PRDM5: variants seen among roughly 807,000 people sequenced by gnomAD.
The protein encoded by PRDM5 is PR domain zinc finger protein 5.
In PRDM5, 56 loss-of-function variants were observed where a neutral mutation model predicts 81.2. The observed-to-expected ratio is 0.69, with a 90% CI of 0.56 to 0.86. The LOEUF (loss-of-function observed/expected upper bound fraction) is 0.86. PRDM5 is among the 40% of genes least tolerant of loss of function. The probability of loss-of-function intolerance (pLI) is 0.00; values close to 1 mark genes in which losing one functional copy is unlikely to be tolerated. For missense variants in PRDM5, 697 were observed against 770.1 expected (o/e 0.91, Z 1.12); for synonymous variants, 267 against 256.4 (o/e 1.04, Z -0.39).
At chr4:120,805,450 C>A (rs1180355510) in intron 8 of PRDM5, among the ~76,000 whole-genome samples, 1 of 152,118 alleles carries the variant, frequency 6.6e-6, no homozygotes, top group Non-Finnish European at 1.5e-5. Flanking sequence ...CAAAAATCCT[C>A]GATAAAATAC....
intron 3 of PRDM5, among the ~76,000 whole-genome samples, chr4:120,840,358 C>A (rs1208820179): frequency 6.6e-6 from 1 of 152,138 alleles, no homozygotes; most frequent in Non-Finnish European, 1.5e-5. Context: ...GGATCACGGG[C>A]CCCAGGCCCA....
At chr4:120,776,711 G>A (rs995947607) in intron 13 of PRDM5, among the ~76,000 whole-genome samples, 1 of 152,064 alleles carries the variant, frequency 6.6e-6, no homozygotes, top group Non-Finnish European at 1.5e-5. Flanking sequence ...AGAAAAGAAG[G>A]GGATCTTTAG....
At chr4:120,863,907 G>A (rs1760916580) in intron 2 of PRDM5, among the ~76,000 whole-genome samples, 1 of 152,152 alleles carries the variant, frequency 6.6e-6, no homozygotes, top group African/African-American at 2.4e-5. Flanking sequence ...GTTAGTCAAG[G>A]ACAATAGGAC....
At chr4:120,853,597 C>A (rs1759538824) in intron 2 of PRDM5, 57 bp from the exon 3 acceptor site, 2 of 1,608,704 alleles carry the variant, frequency 1.2e-6, no homozygotes, top group East Asian at 2.2e-5. Context: ...AGCCTTTAAA[C>A]ACATCAAGGT....
chr4:120,769,826 A>C (rs181689424), intron 13 of PRDM5, among the ~76,000 whole-genome samples: 3 of 152,288 alleles, frequency 2.0e-5, no homozygotes, highest in Admixed American at 6.5e-5. Context: ...AAACAAAAAC[A>C]AAACAACAAA....
In PRDM5 at chr4:120,837,901, G is replaced by A. The variant is rs79231882; in HGVS notation, c.300+15517C>T. On this transcript the variant is annotated intron_variant, in intron 3 of 15. Coordinates refer to ENST00000264808, the MANE Select transcript of PRDM5 (RefSeq NM_018699.4). The stretch of plus-strand genomic sequence containing the variant: ...ATCTCAAAGGACTTAATTAACCACA[G>A]GAAAAGGAACCAGAAAATGACTCTG... 1.9e-3 allele frequency: 294 copies of A among 152,190 alleles called. 1 individual carries two copies. The highest frequency in any genetic ancestry group is 6.6e-3 in the African/African-American group (273 of 41,506). 9.4% of individuals were successfully genotyped at this position (152,190 alleles called of 1,614,324 possible). A position where few individuals can be genotyped will look rare whatever the true frequency, so the allele number is the denominator to read the frequency against.
chr4:120,798,440 G>A lies in PRDM5; in HGVS notation c.1031-16C>T. On this transcript the variant is annotated splice_polypyrimidine_tract_variant and intron_variant, in intron 9 of 15. Transcript: ENST00000264808. ...GGTCGTTTTTCTATTAAAAAAATGA[G>A]TGGAGACAATCTCATATCTATATAA... 4.0e-6 allele frequency: 6 copies of A among 1,506,732 alleles called. No homozygotes were observed. Among genetic ancestry groups the A allele is most frequent in the Non-Finnish European group, 5.5e-6 (6 of 1,092,670 alleles). The allele number at this position is 1,506,732 out of a possible 1,614,324, so 93.3% of individuals were successfully genotyped here.
intron 2 of PRDM5, among the ~76,000 whole-genome samples, chr4:120,871,130 G>T (rs1761742059): frequency 6.6e-6 from 1 of 152,106 alleles, no homozygotes; most frequent in African/African-American, 2.4e-5. Flanking sequence ...GTACCCTTCT[G>T]CCTGCCAGAA....
intron 13 of PRDM5, among the ~76,000 whole-genome samples, chr4:120,773,962 T>C (rs1168966747): frequency 6.6e-6 from 1 of 152,232 alleles, no homozygotes; most frequent in African/African-American, 2.4e-5. Context: ...TCTATAAAAA[T>C]ATGTATGCTA....
At chr4:120,816,406 T>G (rs1754499092) in intron 7 of PRDM5, 47 bp downstream of exon 7, 1 of 1,613,802 alleles carries the variant, frequency 6.2e-7, no homozygotes, top group African/African-American at 1.3e-5. Flanking sequence ...CGCTGCAGCC[T>G]GGGGAAAGGA....
At chr4:120,775,793 T>A (rs1748063767) in intron 13 of PRDM5, among the ~76,000 whole-genome samples, 1 of 152,170 alleles carries the variant, frequency 6.6e-6, no homozygotes, top group East Asian at 1.9e-4. Flanking sequence ...GAAGGGCTGT[T>A]GATTTCACCC....
At chr4:120,868,129 T>G (rs1185599045) in intron 2 of PRDM5, among the ~76,000 whole-genome samples, 2 of 152,210 alleles carry the variant, frequency 1.3e-5, no homozygotes, top group Non-Finnish European at 2.9e-5. Flanking sequence ...AATGGGTCTC[T>G]CCTATGGAAA....
chr4:120,689,459 T>C (rs1733958174), downstream of PRDM5, among the ~76,000 whole-genome samples: 1 of 152,098 alleles, frequency 6.6e-6, no homozygotes, highest in Non-Finnish European at 1.5e-5. Flanking sequence ...AGGTGGAAGA[T>C]GAGCAGCAAA....
In PRDM5 at chr4:120,816,511, A is replaced by ACAGCTGT. The variant is rs1452145427; in HGVS notation, c.800_806dup (p.Cys269Ter). ...CATCCTTGCTCTTCAGCCTCTTTCC[A>ACAGCTGT]CAGCTGTCAGCCTTGCACACAAACC... On this transcript the variant is annotated stop_gained and frameshift_variant, in exon 7 of 16. Coordinates refer to ENST00000264808, the MANE Select transcript of PRDM5 (RefSeq NM_018699.4). LOFTEE classifies it high-confidence loss of function. 1 of 1,614,004 alleles carries ACAGCTGT rather than the reference A, an allele frequency of 6.2e-7. No individual in the cohort carries two copies. Among genetic ancestry groups the ACAGCTGT allele is most frequent in the African/African-American group, 1.3e-5 (1 of 74,904 alleles).
At chr4:120,901,815 G>C (rs1765253361) in intron 2 of PRDM5, among the ~76,000 whole-genome samples, 1 of 152,176 alleles carries the variant, frequency 6.6e-6, no homozygotes, top group African/African-American at 2.4e-5. Flanking sequence ...TCTTTCCAGA[G>C]GGACCACCCA....
intron 14 of PRDM5, among the ~76,000 whole-genome samples, chr4:120,725,925 G>A (rs372074192): frequency 4.6e-5 from 7 of 152,084 alleles, no homozygotes; most frequent in Admixed American, 1.3e-4. Context: ...TATCTAAATA[G>A]TCACAGTCTA....
intron 2 of PRDM5, among the ~76,000 whole-genome samples, chr4:120,869,201 G>A (rs1761527949): frequency 6.6e-6 from 1 of 152,060 alleles, no homozygotes; most frequent in African/African-American, 2.4e-5. Flanking sequence ...GTACTTCTGA[G>A]TAGTCATTTA....
chr4:120,788,515 A>G (rs1420167717), intron 10 of PRDM5, among the ~76,000 whole-genome samples: 2 of 152,230 alleles, frequency 1.3e-5, no homozygotes, highest in Non-Finnish European at 2.9e-5. Flanking sequence ...GCATTATCAT[A>G]AAAAGGTAGA....
At chr4:120,874,887 G>C (rs997500303) in intron 2 of PRDM5, among the ~76,000 whole-genome samples, 3 of 152,194 alleles carry the variant, frequency 2.0e-5, no homozygotes, top group African/African-American at 7.2e-5. Context: ...TGGGACTACA[G>C]CCACTGCTCA....
Sources: allele counts gnomAD v4.1 joint callset (sites outside exome capture counted in the v4.1 genomes callset), GRCh38; gene constraint gnomAD v4.1.1; transcripts MANE v1.5; gene names NCBI Gene and HGNC (gene_info 2026-07-23, HGNC 2026-07-21).